Variants in NPY2R observed in about 807,000 individuals in gnomAD.
NPY2R encodes the protein neuropeptide Y receptor Y2.
NPY2R carries 17 observed loss-of-function variants against 22.3 expected under a neutral mutation model. That is an observed-to-expected ratio of 0.76 (90% CI 0.52 to 1.14). The LOEUF is 1.14. NPY2R is among the 50% of genes most tolerant of loss of function. NPY2R has a pLI of 0.00. For synonymous variants in NPY2R, 209 were observed against 183.4 expected, an observed-to-expected ratio of 1.14 and a Z score of -1.13; for missense variants, 424 against 467.9, an observed-to-expected ratio of 0.91 and a Z score of 0.87.
At chr4:155,206,897 A>G (rs4333136), upstream of NPY2R, 75,174 of 151,986 alleles carry the variant, frequency 0.49, 20,135 homozygotes, top group African/African-American at 0.72. Flanking sequence ...TTCTTCACCA[A>G]TGCAGATATA....
the NPY2R span, among the ~76,000 whole-genome samples, chr4:155,202,841 C>A: frequency 6.6e-6 from 1 of 152,066 alleles, no homozygotes. Context: ...AGGATAAACA[C>A]TTATTAAATA....
At chr4:155,201,429 G>A in the NPY2R span, among the ~76,000 whole-genome samples, 11 of 152,164 alleles carry the variant, frequency 7.2e-5, no homozygotes, top group African/African-American at 2.7e-4. Context: ...ACTCAGCTCA[G>A]GAGCCAGGAC....
chr4:155,186,156 G>C, the NPY2R span, among the ~76,000 whole-genome samples: 1 of 152,072 alleles, frequency 6.6e-6, no homozygotes, highest in Non-Finnish European at 1.5e-5. Flanking sequence ...CTTAATATTA[G>C]TCCAAGGTTA....
the NPY2R span, among the ~76,000 whole-genome samples, chr4:155,177,199 C>T: frequency 6.6e-6 from 1 of 152,192 alleles, no homozygotes; most frequent in South Asian, 2.1e-4. Flanking sequence ...TCTCACCTAA[C>T]TGTCATCAAG....
chr4:155,187,618 A>G, the NPY2R span, among the ~76,000 whole-genome samples: 1 of 152,128 alleles, frequency 6.6e-6, no homozygotes, highest in Admixed American at 6.6e-5. Flanking sequence ...AAGTGAATTC[A>G]CTTGGACATC....
chr4:155,186,076 T>G, the NPY2R span, among the ~76,000 whole-genome samples: 2 of 152,176 alleles, frequency 1.3e-5, no homozygotes, highest in Admixed American at 1.3e-4. Context: ...CTATGCCTTA[T>G]GATCAAGCTG....
the NPY2R span, among the ~76,000 whole-genome samples, chr4:155,202,660 A>G: frequency 1.2e-3 from 182 of 152,258 alleles, no homozygotes; most frequent in African/African-American, 4.1e-3. Context: ...ATGCTATGTG[A>G]AAACTGTATA....
chr4:155,210,916 A>G (rs571730631), intron 1 of NPY2R, among the ~76,000 whole-genome samples: 1 of 152,316 alleles, frequency 6.6e-6, no homozygotes, highest in South Asian at 2.1e-4. Context: ...AGTTTTCTTT[A>G]TGGGTTATAC....
the NPY2R span, among the ~76,000 whole-genome samples, chr4:155,188,065 C>T: frequency 6.6e-5 from 10 of 152,214 alleles, no homozygotes; most frequent in African/African-American, 2.4e-4. Context: ...ACATGCCATC[C>T]ACTTTTTTTT....
At chr4:155,184,846 G>A in the NPY2R span, among the ~76,000 whole-genome samples, 1 of 151,580 alleles carries the variant, frequency 6.6e-6, no homozygotes, top group African/African-American at 2.4e-5. Context: ...AAAAGTAAGG[G>A]AAAGCAGTCA....
chr4:155,197,812 A>T, the NPY2R span, among the ~76,000 whole-genome samples: 1 of 151,988 alleles, frequency 6.6e-6, no homozygotes, highest in Non-Finnish European at 1.5e-5. Flanking sequence ...CTAAGACTAC[A>T]TCTTATCAAG....
At chr4:155,181,624 T>C in the NPY2R span, among the ~76,000 whole-genome samples, 5 of 152,298 alleles carry the variant, frequency 3.3e-5, no homozygotes, top group Admixed American at 3.3e-4. Flanking sequence ...AGGGAGCTTT[T>C]GCCCCTTCCA....
upstream of NPY2R, among the ~76,000 whole-genome samples, chr4:155,204,166 A>G (rs1298629027): frequency 2.6e-5 from 4 of 152,028 alleles, no homozygotes; most frequent in Non-Finnish European, 5.9e-5. Context: ...AAGTTACTCA[A>G]TAATCTCTCA....
At chr4:155,196,313 AG>A in the NPY2R span, among the ~76,000 whole-genome samples, 1 of 151,988 alleles carries the variant, frequency 6.6e-6, no homozygotes, top group East Asian at 1.9e-4. Context: ...GGAGGGAAGG[AG>A]AGGATAAAGC....
the NPY2R span, among the ~76,000 whole-genome samples, chr4:155,201,068 A>T: frequency 6.6e-6 from 1 of 152,092 alleles, no homozygotes; most frequent in East Asian, 1.9e-4. Flanking sequence ...AACAATATAT[A>T]TACTGCAAGG....
chr4:155,192,170 A>G, the NPY2R span, among the ~76,000 whole-genome samples: 2 of 145,742 alleles, frequency 1.4e-5, no homozygotes, highest in African/African-American at 2.6e-5. Context: ...GTCTTTCAAA[A>G]CAGGATTATT....
chr4:155,196,706 A>G, the NPY2R span, among the ~76,000 whole-genome samples: 1,226 of 152,000 alleles, frequency 8.1e-3, 24 homozygotes, highest in African/African-American at 0.028. Context: ...AAGAGTGGTG[A>G]GGCTGAAGTA....
chr4:155,198,884 C>G, the NPY2R span, among the ~76,000 whole-genome samples: 4 of 151,834 alleles, frequency 2.6e-5, no homozygotes, highest in East Asian at 7.8e-4. Flanking sequence ...GCTATACTAC[C>G]CAGTGAAAGT....
chr4:155,185,602 G>A, the NPY2R span, among the ~76,000 whole-genome samples: 1 of 151,444 alleles, frequency 6.6e-6, no homozygotes, highest in Admixed American at 6.6e-5. Flanking sequence ...TCTTCATAAC[G>A]CAAATAAATG....
Sources: allele counts gnomAD v4.1 joint callset (sites outside exome capture counted in the v4.1 genomes callset), GRCh38; gene constraint gnomAD v4.1.1; transcripts MANE v1.5; gene names NCBI Gene and HGNC (gene_info 2026-07-23, HGNC 2026-07-21).